Variants in ANK3 observed in about 807,000 individuals in gnomAD.
ANK3 encodes the protein ankyrin 3.
A neutral mutation model predicts 370.9 loss-of-function variants in ANK3; 57 were observed. That is an observed-to-expected ratio of 0.15 (90% CI 0.12 to 0.19). The LOEUF (loss-of-function observed/expected upper bound fraction) is 0.19, where lower values mean the gene tolerates loss of function less well. Among genes scored for constraint, ANK3 ranks in the 10% least tolerant of loss-of-function variants. ANK3 has a pLI of 1.00. For missense variants in ANK3, 4,439 were observed against 5,302.1 expected (o/e 0.84, Z 5.06); for synonymous variants, 1,929 against 1,946.3 (o/e 0.99, Z 0.23).
In ANK3 at chr10:60,294,860, G is replaced by A. The variant is rs117899405; in HGVS notation, c.115-15221C>T. 6.6e-3 allele frequency among the ~76,000 whole-genome samples: 1,003 copies of A among 152,196 alleles called. 3 individuals are homozygous for A. The highest frequency in any genetic ancestry group is 0.011 in the Non-Finnish European group (757 of 68,010). ...ACAACAAAAGGGCAAAATATAGAAA[G>A]AGCACATACATAGACACACAAGAAA... On this transcript the variant is annotated intron_variant, in intron 1 of 43. Transcript: ENST00000280772.
At chr10:60,068,270 G>A (rs188483090) in intron 37 of ANK3, among the ~76,000 whole-genome samples, 12 of 152,284 alleles carry the variant, frequency 7.9e-5, no homozygotes, top group Admixed American at 7.2e-4. Flanking sequence ...AACAGTTACA[G>A]AAGTGTCGTG....
chr10:60,730,902 G>A (rs2080013209), intron 1 of ANK3, among the ~76,000 whole-genome samples: 1 of 152,162 alleles, frequency 6.6e-6, no homozygotes. Context: ...TCAATCTTGT[G>A]TAAAAGTGTC....
At position 60,028,741 on chromosome 10, in the gene ANK3, C is replaced by A. The variant is rs1198152188; in HGVS notation, c.*1105G>T. 1.3e-5 allele frequency: 2 copies of A among 152,566 alleles called. No individual in the cohort carries two copies. The highest frequency in any genetic ancestry group is 2.9e-5 in the Non-Finnish European group (2 of 68,024). 9.5% of individuals were successfully genotyped at this position (152,566 alleles called of 1,614,324 possible). A position where few individuals can be genotyped will look rare whatever the true frequency, so the allele number is the denominator to read the frequency against. ...ATTTCTGTTCAGTCCTTTTTAAATA[C>A]CCCCGACTGGGGCCTTTTATGAGCA... On this transcript the variant is annotated 3_prime_UTR_variant, in exon 44 of 44. Transcript: ENST00000280772.
In ANK3 at chr10:60,072,864, G is replaced by C. The variant is rs1222457954; in HGVS notation, c.8017C>G (p.Pro2673Ala). ...EEKAPSLPSS[P>A]EKMVLSQQTE... is the part of the protein sequence containing the mutation. ...TGTTGGGAGAGAACCATCTTCTCTG[G>C]GCTGCTGGGCAGACTGGGTGCCTTC... is the stretch of plus-strand genomic sequence containing the variant. The change falls in exon 37 of 44, where the codon CCA (proline) becomes GCA (alanine). Residue 2673 changes from proline to alanine, a missense_variant. Coordinates refer to ENST00000280772, the MANE Select transcript of ANK3 (RefSeq NM_020987.5). 3 of 1,614,076 alleles carry C rather than the reference G, an allele frequency of 1.9e-6. No homozygotes were observed. In the Admixed American group the frequency reaches 5.0e-5, roughly 27 times the overall value.
chr10:60,611,883 C>T (rs2078206754), intron 2 of ANK3, among the ~76,000 whole-genome samples: 2 of 150,796 alleles, frequency 1.3e-5, no homozygotes, highest in African/African-American at 4.9e-5. Flanking sequence ...ATTATCAAAG[C>T]AGTGGAGAAG....
At chr10:60,611,340 A>G (rs1326529111) in intron 2 of ANK3, among the ~76,000 whole-genome samples, 1 of 152,152 alleles carries the variant, frequency 6.6e-6, no homozygotes, top group Non-Finnish European at 1.5e-5. Context: ...AGTTGTGAGG[A>G]TAAATAAATG....
intron 1 of ANK3, among the ~76,000 whole-genome samples, chr10:60,632,836 C>T (rs569763448): frequency 3.0e-4 from 46 of 151,774 alleles, no homozygotes; most frequent in African/African-American, 1.1e-3. Context: ...GAGCCATGGT[C>T]GTACCACTGC....
intron 2 of ANK3, among the ~76,000 whole-genome samples, chr10:60,543,364 T>G (rs745790426): frequency 6.6e-6 from 1 of 152,082 alleles, no homozygotes; most frequent in South Asian, 2.1e-4. Context: ...AGATATTTAC[T>G]GCAACATTTG....
intron 23 of ANK3, among the ~76,000 whole-genome samples, chr10:60,157,882 G>A (rs938772321): frequency 7.8e-4 from 73 of 93,982 alleles, no homozygotes; most frequent in African/African-American, 2.6e-3. Context: ...GAGAGAGAGA[G>A]AAAAAGAGAG....
upstream of ANK3, among the ~76,000 whole-genome samples, chr10:60,391,296 T>C (rs2063083289): frequency 6.6e-6 from 1 of 152,166 alleles, no homozygotes; most frequent in African/African-American, 2.4e-5. Flanking sequence ...ACTATCTTCA[T>C]GAAGAAAGAG....
At chr10:60,604,110 G>C (rs373379101) in intron 2 of ANK3, among the ~76,000 whole-genome samples, 8 of 152,226 alleles carry the variant, frequency 5.3e-5, no homozygotes, top group Non-Finnish European at 8.8e-5. Flanking sequence ...TATTCATTCA[G>C]AGATGACTTT....
intron 22 of ANK3, 30 bp downstream of exon 22, chr10:60,166,794 T>C (rs780948842): frequency 1.2e-6 from 2 of 1,607,664 alleles, no homozygotes; most frequent in Non-Finnish European, 1.7e-6. Flanking sequence ...TCACTTATAA[T>C]TATTGTGAAC....
intron 1 of ANK3, among the ~76,000 whole-genome samples, chr10:60,680,539 C>G (rs1002494536): frequency 6.6e-6 from 1 of 152,210 alleles, no homozygotes; most frequent in African/African-American, 2.4e-5. Flanking sequence ...AATAGGTGTT[C>G]CCAACAGGCC....
chr10:60,319,301 C>T (rs184026533), intron 1 of ANK3, among the ~76,000 whole-genome samples: 2 of 152,036 alleles, frequency 1.3e-5, no homozygotes, highest in East Asian at 1.9e-4. Context: ...TATTATTATC[C>T]TTCTTTAATA....
chr10:60,586,559 C>G lies in ANK3; in HGVS notation c.96+28627G>C, dbSNP rs1000811458. On this transcript the variant is annotated intron_variant, in intron 2 of 43. Transcript: ENST00000373827. ...GACTCTGGAGGAGTAGGGGAGGGCACATGATTTGCAGTGACAGAAGAGCTG... is the reference window on the plus strand; with the variant it reads ...GACTCTGGAGGAGTAGGGGAGGGCAGATGATTTGCAGTGACAGAAGAGCTG... Among the ~76,000 whole-genome samples, 8 of 152,160 alleles carry G rather than the reference C, an allele frequency of 5.3e-5. No homozygotes were observed. In the South Asian group the frequency reaches 1.7e-3, roughly 32 times the overall value.
chr10:60,547,222 T>C (rs2076984669), intron 2 of ANK3, among the ~76,000 whole-genome samples: 1 of 150,608 alleles, frequency 6.6e-6, no homozygotes, highest in South Asian at 2.1e-4. Context: ...TTCTGAGTAG[T>C]TGGGATTACA....
chr10:60,692,367 G>A (rs966883134), intron 1 of ANK3, among the ~76,000 whole-genome samples: 11 of 152,184 alleles, frequency 7.2e-5, no homozygotes, highest in African/African-American at 2.7e-4. Flanking sequence ...CCTCAAATGA[G>A]GGTCTTCAAA....
intron 28 of ANK3, among the ~76,000 whole-genome samples, chr10:60,092,020 C>T (rs1038042688): frequency 6.6e-5 from 10 of 152,206 alleles, no homozygotes; most frequent in South Asian, 6.2e-4. Context: ...TGAGCCACCG[C>T]GCCAGGCTAC....
At chr10:60,523,758 G>A (rs993558731) in intron 2 of ANK3, among the ~76,000 whole-genome samples, 41 of 152,018 alleles carry the variant, frequency 2.7e-4, no homozygotes, top group Non-Finnish European at 2.1e-4. Context: ...TATATACCCA[G>A]TAATGGGATG....
Sources: gnomAD v4.1 joint callset for allele counts (sites outside exome capture counted in the v4.1 genomes callset) on GRCh38, gnomAD v4.1.1 for gene constraint, MANE v1.5 for transcripts, NCBI Gene and HGNC (gene_info 2026-07-23, HGNC 2026-07-21) for gene names.